Variants in CACNB2 observed in about 807,000 individuals in gnomAD.
The protein encoded by CACNB2 is voltage-dependent L-type calcium channel subunit beta-2.
CACNB2 carries 42 observed loss-of-function variants against 73.3 expected under a neutral mutation model. The observed-to-expected ratio is 0.57, with a 90% CI of 0.45 to 0.74. The LOEUF (loss-of-function observed/expected upper bound fraction) is 0.74, where lower values mean the gene tolerates loss of function less well. Ranked by LOEUF, CACNB2 falls within the 30% of genes least tolerant of loss-of-function variation. The pLI is 0.00. For missense variants in CACNB2, 940 were observed against 853.0 expected (o/e 1.10, Z -1.27); for synonymous variants, 348 against 310.3 (o/e 1.12, Z -1.28).
chr10:18,203,436 G>C (rs1745922367), intron 2 of CACNB2, among the ~76,000 whole-genome samples: 2 of 152,128 alleles, frequency 1.3e-5, no homozygotes, highest in Non-Finnish European at 2.9e-5. Context: ...TATCCTTTGG[G>C]TAACACACCG....
chr10:18,532,491 G>A (rs1014072756), intron 10 of CACNB2, among the ~76,000 whole-genome samples: 2 of 151,902 alleles, frequency 1.3e-5, no homozygotes, highest in African/African-American at 4.8e-5. Flanking sequence ...TTGCCAACAT[G>A]GTGAAACGCC....
intron 2 of CACNB2, among the ~76,000 whole-genome samples, chr10:18,195,660 C>T (rs147097762): frequency 1.6e-3 from 238 of 152,350 alleles, no homozygotes; most frequent in African/African-American, 5.3e-3. Context: ...TTCAGACTGT[C>T]GGTGCCTGAC....
intron 2 of CACNB2, among the ~76,000 whole-genome samples, chr10:18,384,026 C>A (rs748783794): frequency 2.6e-5 from 4 of 152,106 alleles, no homozygotes; most frequent in Non-Finnish European, 5.9e-5. Context: ...GTTTAAAATG[C>A]CACAGTTATT....
chr10:18,298,947 T>A (rs2131819216), intron 2 of CACNB2, among the ~76,000 whole-genome samples: 1 of 151,958 alleles, frequency 6.6e-6, no homozygotes, highest in Non-Finnish European at 1.5e-5. Context: ...GATTGCACTG[T>A]GAGAGGCTTC....
chr10:18,418,149 A>C (rs1388185086), intron 3 of CACNB2, among the ~76,000 whole-genome samples: 2 of 152,112 alleles, frequency 1.3e-5, no homozygotes, highest in Admixed American at 1.3e-4. Flanking sequence ...CTCTTGGCTC[A>C]CTGCAACCTC....
At chr10:18,235,167 A>G (rs1001101373) in intron 2 of CACNB2, among the ~76,000 whole-genome samples, 2 of 147,242 alleles carry the variant, frequency 1.4e-5, no homozygotes, top group Admixed American at 6.7e-5. Flanking sequence ...AAACAGTTAA[A>G]AGGAGCTGGG....
At chr10:18,529,407 G>A (rs1001856045) in intron 10 of CACNB2, among the ~76,000 whole-genome samples, 2 of 152,186 alleles carry the variant, frequency 1.3e-5, no homozygotes, top group Admixed American at 6.5e-5. Context: ...GCCATAAGGC[G>A]AATCAGTGAA....
intron 2 of CACNB2, among the ~76,000 whole-genome samples, chr10:18,373,175 A>G (rs1395869629): frequency 6.6e-6 from 1 of 152,136 alleles, no homozygotes; most frequent in Non-Finnish European, 1.5e-5. Context: ...GAGGTTGTAA[A>G]GAAGCCTCTT....
intron 2 of CACNB2, among the ~76,000 whole-genome samples, chr10:18,238,833 C>T (rs562216871): frequency 9.9e-5 from 15 of 152,200 alleles, no homozygotes; most frequent in Admixed American, 7.2e-4. Flanking sequence ...CTGCCTTTAA[C>T]TAACACAACC....
At chr10:18,283,784 A>G (rs1486316090) in intron 2 of CACNB2, among the ~76,000 whole-genome samples, 2 of 152,162 alleles carry the variant, frequency 1.3e-5, no homozygotes, top group Admixed American at 1.3e-4. Flanking sequence ...TAACCTGCAC[A>G]TTGTGCACAT....
chr10:18,289,958 G>A (rs570006982), intron 2 of CACNB2, among the ~76,000 whole-genome samples: 2 of 152,044 alleles, frequency 1.3e-5, no homozygotes, highest in South Asian at 2.1e-4. Context: ...TAGGTTGAAA[G>A]AGACTGAAAG....
At chr10:18,392,902 T>C (rs1038331660) in intron 2 of CACNB2, among the ~76,000 whole-genome samples, 2 of 152,102 alleles carry the variant, frequency 1.3e-5, no homozygotes, top group African/African-American at 4.8e-5. Context: ...AAAAATTATA[T>C]TAGCATGAAA....
Position 18,211,916 on chromosome 10 carries a change from A to G in CACNB2, c.213+60941A>G, listed in dbSNP as rs894823698. On this transcript the variant is annotated intron_variant, in intron 2 of 13. Coordinates refer to ENST00000324631, the MANE Select transcript of CACNB2 (RefSeq NM_201596.3). Reference sequence around the variant, plus strand: ...AATGACATTATAAATATGCAGGTGCATTAGTTCTGGTACAAACGTGCAGAC... The same window carrying G: ...AATGACATTATAAATATGCAGGTGCGTTAGTTCTGGTACAAACGTGCAGAC... Among the ~76,000 whole-genome samples, 6 of 151,914 alleles carry G rather than the reference A, an allele frequency of 3.9e-5. 1 individual carries two copies. In the South Asian group the frequency reaches 1.0e-3, roughly 26 times the overall value.
At chr10:18,335,251 T>A (rs1479952877) in intron 2 of CACNB2, among the ~76,000 whole-genome samples, 1 of 152,188 alleles carries the variant, frequency 6.6e-6, no homozygotes, top group African/African-American at 2.4e-5. Flanking sequence ...TTTCTTCTGG[T>A]GTCAGGCATG....
chr10:18,514,815 C>T (rs1293586547), intron 7 of CACNB2, among the ~76,000 whole-genome samples: 1 of 152,196 alleles, frequency 6.6e-6, no homozygotes, highest in Non-Finnish European at 1.5e-5. Context: ...CTAAATTGTG[C>T]ATGCTTATTC....
chr10:18,335,200 T>C (rs920983284), intron 2 of CACNB2, among the ~76,000 whole-genome samples: 3 of 152,176 alleles, frequency 2.0e-5, no homozygotes, highest in African/African-American at 7.2e-5. Flanking sequence ...TTTTCTATTC[T>C]CTTAACACTG....
At chr10:18,439,691 T>A (rs2046318748) in intron 3 of CACNB2, among the ~76,000 whole-genome samples, 1 of 152,196 alleles carries the variant, frequency 6.6e-6, no homozygotes, top group South Asian at 2.1e-4. Flanking sequence ...TATGCAGTTA[T>A]AAATCAGCTT....
intron 5 of CACNB2, among the ~76,000 whole-genome samples, chr10:18,505,857 G>T (rs530222302): frequency 6.6e-6 from 1 of 152,188 alleles, no homozygotes; most frequent in East Asian, 1.9e-4. Flanking sequence ...AATTAACCAC[G>T]TTTCATTCTC....
intron 2 of CACNB2, among the ~76,000 whole-genome samples, chr10:18,341,805 T>A (rs188907024): frequency 1.3e-5 from 2 of 152,300 alleles, no homozygotes; most frequent in Admixed American, 6.5e-5. Context: ...CTAGGAAATA[T>A]CTTTGTGGTC....
Sources: allele counts gnomAD v4.1 joint callset (sites outside exome capture counted in the v4.1 genomes callset), GRCh38; gene constraint gnomAD v4.1.1; transcripts MANE v1.5; gene names NCBI Gene and HGNC (gene_info 2026-07-23, HGNC 2026-07-21).